Variants in FCN1 observed in about 807,000 individuals in gnomAD.
FCN1 encodes the protein ficolin-1.
In FCN1, 42 loss-of-function variants were observed where a neutral mutation model predicts 35.6. The ratio of observed to expected loss-of-function variants is 1.18; its 90% CI spans 0.92 to 1.53. The LOEUF (loss-of-function observed/expected upper bound fraction) is 1.53, where lower values mean the gene tolerates loss of function less well. Ranked by LOEUF, FCN1 falls within the 40% of genes most tolerant of loss-of-function variation. The probability of loss-of-function intolerance (pLI) is 0.00; values close to 1 mark genes in which losing one functional copy is unlikely to be tolerated. For missense variants in FCN1, 439 were observed against 428.4 expected, an observed-to-expected ratio of 1.02 and a Z score of -0.22; for synonymous variants, 179 against 169.8, an observed-to-expected ratio of 1.05 and a Z score of -0.42.
chr9:134,913,906 T>C (rs1831059246), intron 4 of FCN1, among the ~76,000 whole-genome samples: 1 of 152,170 alleles, frequency 6.6e-6, no homozygotes, highest in Non-Finnish European at 1.5e-5. Context: ...TCGCCACTGA[T>C]AACAGCGGAA....
At position 134,909,346 on chromosome 9, in the gene FCN1, T is replaced by C; in HGVS notation, c.*452A>G. 8.1e-7 allele frequency: 1 copy of C among 1,237,410 alleles called. No homozygotes were observed. 76.7% of individuals were successfully genotyped at this position (1,237,410 alleles called of 1,614,324 possible). ...AGTGTGAAGTGTTGTGAGTGAGGCA[T>C]GGGGGGATGGGGGAGGCTTGGGGGT... On this transcript the variant is annotated 3_prime_UTR_variant, in exon 9 of 9. Transcript: ENST00000371806.
At position 134,909,908 on chromosome 9, in the gene FCN1, G is replaced by T; in HGVS notation, c.871C>A (p.Leu291Ile). ...ADCHASNLNG[L>I]YLMGPHESYA... Reference sequence around the variant, plus strand: ...CTCTCATGGGGTCCCATGAGGTAGAGACCATTGAGGTTTGAAGCATGACAG... The same window carrying T: ...CTCTCATGGGGTCCCATGAGGTAGATACCATTGAGGTTTGAAGCATGACAG... The change falls in exon 9 of 9, where the codon CTC becomes ATC. Residue 291 changes from leucine to isoleucine, a missense_variant. Transcript: ENST00000371806. 6.2e-7 allele frequency: 1 copy of T among 1,614,160 alleles called. No homozygotes were observed. The highest frequency in any genetic ancestry group is 2.2e-5 in the East Asian group (1 of 44,872).
At chr9:134,914,492 G>A in intron 3 of FCN1, 72 bp from the exon 4 acceptor site, 1 of 1,437,444 alleles carries the variant, frequency 7.0e-7, no homozygotes, top group South Asian at 1.1e-5. Flanking sequence ...GTCCAGAGTG[G>A]GCTCCCGGCC....
Position 134,912,517 on chromosome 9 carries a change from C to T in FCN1, c.567G>A (p.Gly189=). Reference sequence around the variant, plus strand: ...CAGTCAGGGCGTGGATGTTGTCATTCCCCAGCCAGAACTCCCCCAGCTGAC... The same window carrying T: ...CAGTCAGGGCGTGGATGTTGTCATTTCCCAGCCAGAACTCCCCCAGCTGAC... ...FGSQLGEFWL[G]NDNIHALTAQ... The change falls in exon 7 of 9, where the codon GGG becomes GGA. Residue 189 remains glycine (G), a synonymous_variant. Transcript: ENST00000371806. The T allele has an allele frequency of 2.5e-6, 4 of 1,613,948 alleles. No homozygotes were observed. The highest frequency in any genetic ancestry group is 3.4e-6 in the Non-Finnish European group (4 of 1,179,890).
intron 7 of FCN1, among the ~76,000 whole-genome samples, chr9:134,911,923 T>G (rs1831027942): frequency 6.6e-6 from 1 of 152,216 alleles, no homozygotes; most frequent in South Asian, 2.1e-4. Flanking sequence ...TGTAGTTTCT[T>G]TTGCAGGAAT....
Position 134,913,593 on chromosome 9 carries a change from A to G in FCN1, c.328T>C (p.Ser110Pro), listed in dbSNP as rs2118939861. ...TGTGATCAGTCACCTGTCGCACACG[A>G]CTGAGACTGCCCAGCGTCTCCTGTG... is the stretch of plus-strand genomic sequence containing the variant. ...GEKGDAGQSQSCATGPRNCKD... is the reference protein window; with the variant it reads ...GEKGDAGQSQPCATGPRNCKD... The change falls in exon 5 of 9, where the codon TCG (serine) becomes CCG (proline). Residue 110 changes from serine to proline, a missense_variant. Ser to Pro is a moderately conservative substitution (Grantham distance 74, BLOSUM62 -1). Coordinates refer to ENST00000371806, the MANE Select transcript of FCN1 (RefSeq NM_002003.5). 1 of 1,607,600 alleles carries G rather than the reference A, an allele frequency of 6.2e-7. No homozygotes were observed. Among genetic ancestry groups the G allele is most frequent in the East Asian group, 2.2e-5 (1 of 44,792 alleles).
Position 134,907,165 on chromosome 9 carries a change from A to C in FCN1, c.*2633T>G, listed in dbSNP as rs1355846167. ...ATTTATACTAATCATTTCTAGACTT[A>C]AAGCTAAGTCTTCCTAGGTTGTAAA... is the stretch of plus-strand genomic sequence containing the variant. On this transcript the variant is annotated 3_prime_UTR_variant, in exon 9 of 9. Coordinates refer to ENST00000371806, the MANE Select transcript of FCN1 (RefSeq NM_002003.5). 6.6e-6 allele frequency: 1 copy of C among 152,238 alleles called. No individual in the cohort carries two copies. The highest frequency in any genetic ancestry group is 1.9e-4 in the East Asian group (1 of 5,204). 9.4% of individuals were successfully genotyped at this position (152,238 alleles called of 1,614,324 possible).
chr9:134,910,359 G>A (rs1016778224), intron 8 of FCN1, among the ~76,000 whole-genome samples: 3 of 152,050 alleles, frequency 2.0e-5, no homozygotes, highest in South Asian at 4.1e-4. Context: ...AGCCTGCGCC[G>A]CTCCTTCCGG....
rs148406811 is a variant in FCN1 at position 134,913,591 on chromosome 9, C to T, written c.330G>A (p.Ser110=). 2.4e-5 allele frequency: 38 copies of T among 1,606,856 alleles called. No individual in the cohort carries two copies. The highest frequency in any genetic ancestry group is 1.7e-4 in the Middle Eastern group (1 of 6,054). Residue 110 remains serine (S), a synonymous_variant, in exon 5 of 9, where the codon TCG becomes TCA. Coordinates refer to ENST00000371806, the MANE Select transcript of FCN1 (RefSeq NM_002003.5). ...GEKGDAGQSQ[S]CATGPRNCKD... ...GGTGTGATCAGTCACCTGTCGCACACGACTGAGACTGCCCAGCGTCTCCTG... is the reference window on the plus strand; with the variant it reads ...GGTGTGATCAGTCACCTGTCGCACATGACTGAGACTGCCCAGCGTCTCCTG...
At position 134,912,570 on chromosome 9, in the gene FCN1, A is replaced by T; in HGVS notation, c.514T>A (p.Trp172Arg). Reference sequence around the variant, plus strand: ...CCGAAGCCCTGCTTGTATGCGGCCCAGTCCCGATAGAAGTCCACAGAGCCA... The same window carrying T: ...CCGAAGCCCTGCTTGTATGCGGCCCTGTCCCGATAGAAGTCCACAGAGCCA... ...MDGSVDFYRD[W>R]AAYKQGFGSQ... The change falls in exon 7 of 9, where the codon TGG becomes AGG. Residue 172 changes from tryptophan to arginine, a missense_variant. Coordinates refer to ENST00000371806, the MANE Select transcript of FCN1 (RefSeq NM_002003.5). 3 of 1,614,132 alleles carry T rather than the reference A, an allele frequency of 1.9e-6. No homozygotes were observed. Among genetic ancestry groups the T allele is most frequent in the Non-Finnish European group, 2.5e-6 (3 of 1,179,962 alleles).
Position 134,909,795 on chromosome 9 carries a change from C to G in FCN1, c.*3G>C, listed in dbSNP as rs768156833. On this transcript the variant is annotated 3_prime_UTR_variant, in exon 9 of 9. Transcript: ENST00000371806. The stretch of plus-strand genomic sequence containing the variant: ...AGGTGCATGTGGAGGGGTCCTGGCC[C>G]GTCTAGGCGGGCCGCACCTTCATCT... 1 of 1,612,598 alleles carries G rather than the reference C, an allele frequency of 6.2e-7. No homozygotes were observed. The highest frequency in any genetic ancestry group is 8.5e-7 in the Non-Finnish European group (1 of 1,179,908).
In FCN1 at chr9:134,905,434, TG is replaced by T. The variant is rs1037883790; in HGVS notation, c.*4363del. ...CTCTCTCAGTTCTGCTGATGTGAGT[TG>T]GGGAGGAATTGGTGATGGGAAAAGA... On this transcript the variant is annotated 3_prime_UTR_variant, in exon 9 of 9. Transcript: ENST00000371806. 2.0e-5 allele frequency among the ~76,000 whole-genome samples: 3 copies of T among 152,220 alleles called. No individual in the cohort carries two copies. The highest frequency in any genetic ancestry group is 6.5e-5 in the Admixed American group (1 of 15,284).
rs778717419 is a variant in FCN1, at chr9:134,913,095, C to A, written c.389G>T (p.Gly130Val). The A allele has an allele frequency of 3.1e-6, 5 of 1,613,826 alleles. No homozygotes were observed. In the East Asian group the frequency reaches 6.7e-5, roughly 22 times the overall value. ...DLLDRGYFLS[G>V]WHTIYLPDCR... ...GTCGGGCAGGTAGATGGTGTGCCAG[C>A]CGCTCAGGAAATACCCCCGGTCTAG... Residue 130 changes from glycine to valine, a missense_variant, in exon 6 of 9, where the codon GGC (glycine) becomes GTC (valine). Transcript: ENST00000371806.
chr9:134,914,393 C>G lies in FCN1; in HGVS notation c.299G>C (p.Gly100Ala), dbSNP rs1442110408. ...GCCCACGGGTGGCTCACCTTTCTCT[C>G]CACGCATCCCCTTCTCTCCTCGGTC... ...KGDRGEKGMR[G>A]EKGDAGQSQS... Residue 100 changes from glycine to alanine, a missense_variant, in exon 4 of 9, where the codon GGA becomes GCA. Coordinates refer to ENST00000371806, the MANE Select transcript of FCN1 (RefSeq NM_002003.5). The G allele has an allele frequency of 2.5e-6, 4 of 1,614,020 alleles. No homozygotes were observed. In the African/African-American group the frequency reaches 5.3e-5, roughly 22 times the overall value.
chr9:134,910,032 C>T lies in FCN1; in HGVS notation c.747G>A (p.Thr249=), dbSNP rs139969832. 1.5e-5 allele frequency: 24 copies of T among 1,613,846 alleles called. No individual in the cohort carries two copies. Among genetic ancestry groups the T allele is most frequent in the South Asian group, 8.8e-5 (8 of 91,068 alleles). ...TGGAGAAGAAGTTGTTGTTGTGGCC[C>T]GTTAGAGAATTACCTGCTCACAGAA... ...FVGGSAGNSL[T]GHNNNFFSTK... Residue 249 remains threonine (T), a synonymous_variant, in exon 9 of 9, where the codon ACG becomes ACA. Transcript: ENST00000371806.
Position 134,912,442 on chromosome 9 carries a change from C to A in FCN1, c.598+44G>T, listed in dbSNP as rs1284328511. 5 of 1,588,058 alleles carry A rather than the reference C, an allele frequency of 3.1e-6. No homozygotes were observed. The African/African-American group carries it at 4.0e-5, about 13-fold the overall frequency. ...ATGGCCCAGGCCTAAGGGGCAGGAGCACCTCAGGGCCCCCCAACCCCTGAG... is the reference window on the plus strand; with the variant it reads ...ATGGCCCAGGCCTAAGGGGCAGGAGAACCTCAGGGCCCCCCAACCCCTGAG... On this transcript the variant is annotated intron_variant, in intron 7 of 8. Coordinates refer to ENST00000371806, the MANE Select transcript of FCN1 (RefSeq NM_002003.5).
chr9:134,912,915 T>C (rs1831042519), intron 6 of FCN1, 101 bp downstream of exon 6: 3 of 1,515,638 alleles, frequency 2.0e-6, no homozygotes, highest in Non-Finnish European at 2.7e-6. Flanking sequence ...ATTGTCCCCA[T>C]CCAGGGGAAT....
chr9:134,911,648 G>A (rs1305036557), intron 7 of FCN1, among the ~76,000 whole-genome samples: 5 of 152,076 alleles, frequency 3.3e-5, no homozygotes, highest in Non-Finnish European at 5.9e-5. Context: ...CACGGTGCCC[G>A]GCTGGGGATG....
chr9:134,915,319 G>A (rs761561822), intron 2 of FCN1, among the ~76,000 whole-genome samples: 1 of 152,174 alleles, frequency 6.6e-6, no homozygotes, highest in Non-Finnish European at 1.5e-5. Context: ...CCAGAAAGGT[G>A]ACCCTCCCGT....
Sources: allele counts gnomAD v4.1 joint callset (sites outside exome capture counted in the v4.1 genomes callset), GRCh38; gene constraint gnomAD v4.1.1; transcripts MANE v1.5; gene names NCBI Gene and HGNC (gene_info 2026-07-23, HGNC 2026-07-21).